The following JAKMIP2 variants were observed in gnomAD, a reference collection of about 807,000 sequenced individuals.
JAKMIP2 encodes the protein janus kinase and microtubule interacting protein 2.
A neutral mutation model predicts 115.0 loss-of-function variants in JAKMIP2; 25 were observed. That is an observed-to-expected ratio of 0.22 (90% CI 0.16 to 0.30). JAKMIP2 has a LOEUF of 0.30. Among genes scored for constraint, JAKMIP2 ranks in the 10% least tolerant of loss-of-function variants. JAKMIP2 has a pLI of 1.00. For missense variants in JAKMIP2, 642 were observed against 957.6 expected, an observed-to-expected ratio of 0.67 and a Z score of 4.35; for synonymous variants, 334 against 343.6, an observed-to-expected ratio of 0.97 and a Z score of 0.31.
At chr5:147,765,250 G>A (rs1755115006) in intron 1 of JAKMIP2, among the ~76,000 whole-genome samples, 1 of 151,874 alleles carries the variant, frequency 6.6e-6, no homozygotes, top group African/African-American at 2.4e-5. Context: ...TAAACCAATT[G>A]GTCACACACT....
At chr5:147,760,576 A>G (rs950397879) in intron 1 of JAKMIP2, among the ~76,000 whole-genome samples, 2 of 152,152 alleles carry the variant, frequency 1.3e-5, no homozygotes, top group African/African-American at 4.8e-5. Context: ...TAAGGATTTG[A>G]CAGATGCAGT....
intron 1 of JAKMIP2, among the ~76,000 whole-genome samples, chr5:147,773,705 G>A (rs897909592): frequency 2.0e-5 from 3 of 152,102 alleles, no homozygotes; most frequent in Non-Finnish European, 4.4e-5. Context: ...ATGTTTAAGT[G>A]TGCATTTGGA....
At chr5:147,692,930 C>T (rs938284517) in intron 1 of JAKMIP2, among the ~76,000 whole-genome samples, 5 of 152,122 alleles carry the variant, frequency 3.3e-5, no homozygotes, top group African/African-American at 1.2e-4. Flanking sequence ...GAGAACAAAT[C>T]ATTTCTGTTA....
Position 147,717,339 on chromosome 5 carries a change from G to C in JAKMIP2, c.-148-45385C>G, listed in dbSNP as rs1019830657. Among the ~76,000 whole-genome samples the C allele has an allele frequency of 5.2e-4, 77 of 146,882 alleles. 1 individual carries two copies. The highest frequency in any genetic ancestry group is 1.9e-3 in the African/African-American group (75 of 39,704). ...GACTTGGCAATGCGGGCTCTTTTTTGGTTCCAGATGAACTTTAAAGTAGTT... is the reference window on the plus strand; with the variant it reads ...GACTTGGCAATGCGGGCTCTTTTTTCGTTCCAGATGAACTTTAAAGTAGTT... On this transcript the variant is annotated intron_variant, in intron 1 of 21. Transcript: ENST00000616793.
intron 1 of JAKMIP2, among the ~76,000 whole-genome samples, chr5:147,709,440 A>G (rs1172077594): frequency 6.6e-6 from 1 of 152,212 alleles, no homozygotes; most frequent in Non-Finnish European, 1.5e-5. Context: ...ATAAATATGC[A>G]CACGTATATA....
At chr5:147,664,363 C>T (rs1169801256) in intron 2 of JAKMIP2, among the ~76,000 whole-genome samples, 1 of 152,188 alleles carries the variant, frequency 6.6e-6, no homozygotes, top group Non-Finnish European at 1.5e-5. Context: ...CTTCACCTTT[C>T]AGGCTCTCAG....
At chr5:147,683,290 G>T (rs944069694) in intron 1 of JAKMIP2, among the ~76,000 whole-genome samples, 1 of 152,160 alleles carries the variant, frequency 6.6e-6, no homozygotes, top group African/African-American at 2.4e-5. Flanking sequence ...AGATCACTTT[G>T]AGACCAGCCT....
Position 147,614,422 on chromosome 5 carries a change from C to T in JAKMIP2, c.2347-2051G>A, listed in dbSNP as rs575017519. Among the ~76,000 whole-genome samples the T allele has an allele frequency of 2.6e-5, 4 of 152,256 alleles. No individual in the cohort carries two copies. The South Asian group carries it at 8.3e-4, about 32-fold the overall frequency. ...ACGTATACTTGATTTCTTTTTGCTT[C>T]CCATCCCTTTGCCATCCACCCAACA... On this transcript the variant is annotated intron_variant, in intron 19 of 21. Transcript: ENST00000616793.
chr5:147,781,049 CA>C (rs1755738662), intron 1 of JAKMIP2, among the ~76,000 whole-genome samples: 1 of 152,126 alleles, frequency 6.6e-6, no homozygotes, highest in African/African-American at 2.4e-5. Context: ...AAAGCCTTGA[CA>C]TAATAAAAGG....
In JAKMIP2 at chr5:147,639,784, CA is replaced by C. The variant is rs530547466; in HGVS notation, c.1402-25del. The C allele has an allele frequency of 2.2e-4, 359 of 1,608,524 alleles. 3 individuals are homozygous for C. In the African/African-American group the frequency reaches 3.0e-3, roughly 13 times the overall value. On this transcript the variant is annotated intron_variant, in intron 9 of 21. Transcript: ENST00000616793. ...CTCTTGAGGTTAAGAAAAAAAGCCC[CA>C]AAACAATTGTGTTATGTTCAGGTCC...
At chr5:147,705,850 GT>G (rs1752541134) in intron 1 of JAKMIP2, among the ~76,000 whole-genome samples, 1 of 152,154 alleles carries the variant, frequency 6.6e-6, no homozygotes, top group Non-Finnish European at 1.5e-5. Flanking sequence ...TGAATAATGT[GT>G]TTTAAATGGA....
Position 147,631,464 on chromosome 5 carries a change from G to A in JAKMIP2, c.1824C>T (p.Phe608=). The change falls in exon 14 of 22, where the codon TTC becomes TTT. Residue 608 remains phenylalanine, a synonymous_variant. Coordinates refer to ENST00000616793, the MANE Select transcript of JAKMIP2 (RefSeq NM_001270941.2). ...TCTGTAGAGCACTCACACCATCTGA[G>A]AATGGGTGAATTTGGAGATTAAATG... is the stretch of plus-strand genomic sequence containing the variant. ...SPPFNLQIHP[F]SDGVSALQIY... is the part of the protein sequence containing the mutation. 6.2e-7 allele frequency: 1 copy of A among 1,612,152 alleles called. No individual in the cohort carries two copies. Among genetic ancestry groups the A allele is most frequent in the Non-Finnish European group, 8.5e-7 (1 of 1,178,336 alleles).
chr5:147,631,293 T>C (rs1757336997), intron 14 of JAKMIP2, 120 bp downstream of exon 14: 2 of 592,784 alleles, frequency 3.4e-6, no homozygotes, highest in Non-Finnish European at 5.9e-6. Flanking sequence ...TCCTACATAG[T>C]TTGTATCAAA....
chr5:147,694,928 T>C (rs1051377134), intron 1 of JAKMIP2, among the ~76,000 whole-genome samples: 4 of 152,216 alleles, frequency 2.6e-5, no homozygotes, highest in Non-Finnish European at 5.9e-5. Flanking sequence ...ACAAATTTTG[T>C]GTTTGTTTAA....
At chr5:147,759,340 GA>G (rs1268790859) in intron 1 of JAKMIP2, among the ~76,000 whole-genome samples, 1 of 152,024 alleles carries the variant, frequency 6.6e-6, no homozygotes, top group African/African-American at 2.4e-5. Context: ...ATATCAATTC[GA>G]CTAATTATCA....
At chr5:147,595,660 A>G (rs542104230) in intron 21 of JAKMIP2, 6 of 338,962 alleles carry the variant, frequency 1.8e-5, no homozygotes, top group South Asian at 4.9e-5. Context: ...TGTTGTAAGT[A>G]TTACATAAAA....
At chr5:147,628,616 A>G in intron 16 of JAKMIP2, 135 bp downstream of exon 16, 3 of 575,892 alleles carry the variant, frequency 5.2e-6, no homozygotes, top group East Asian at 2.8e-5. Flanking sequence ...GGGTTGTACT[A>G]CCCTTAAAAA....
chr5:147,643,243 T>C (rs1757965703), intron 7 of JAKMIP2, among the ~76,000 whole-genome samples: 1 of 152,140 alleles, frequency 6.6e-6, no homozygotes, highest in Admixed American at 6.6e-5. Context: ...ATAGAAATTT[T>C]AAAAAGGATG....
At chr5:147,604,800 T>TTTTTTATTATTATTA (rs1160553046) in intron 20 of JAKMIP2, among the ~76,000 whole-genome samples, 5 of 143,554 alleles carry the variant, frequency 3.5e-5, no homozygotes, top group African/African-American at 1.3e-4. Flanking sequence ...GGCCAGACAT[T>TTTTTTATTATTATTA]TTATTATTAT....
Sources: allele counts gnomAD v4.1 joint callset (sites outside exome capture counted in the v4.1 genomes callset), GRCh38; gene constraint gnomAD v4.1.1; transcripts MANE v1.5; gene names NCBI Gene and HGNC (gene_info 2026-07-23, HGNC 2026-07-21).